NXPE2: variants seen among roughly 807,000 people sequenced by gnomAD.
NXPE2 encodes the protein NXPE family member 2.
A neutral mutation model predicts 34.4 loss-of-function variants in NXPE2; 34 were observed. That is an observed-to-expected ratio of 0.99 (90% CI 0.75 to 1.31). The LOEUF is 1.31. Ranked by LOEUF, NXPE2 falls within the 40% of genes most tolerant of loss-of-function variation. NXPE2 has a pLI of 0.00. For missense variants in NXPE2, 649 were observed against 672.5 expected (o/e 0.97, Z 0.39); for synonymous variants, 235 against 231.3 (o/e 1.02, Z -0.15).
Position 114,706,930 on chromosome 11 carries a change from G to A in NXPE2, c.1680G>A (p.Ter560=), listed in dbSNP as rs1174669406. Residue 560 remains the stop codon, a stop_retained_variant, in exon 6 of 6, where the codon TAG becomes TAA. Transcript: ENST00000389586. Reference sequence around the variant, plus strand: ...GCATGTTCTTAAACTACATTTGTTAGAGGAAAAATACAAAAATAGCACTAG... The same window carrying A: ...GCATGTTCTTAAACTACATTTGTTAAAGGAAAAATACAAAAATAGCACTAG... ...QIGMFLNYIC[*] The A allele has an allele frequency of 6.5e-7, 1 of 1,538,130 alleles. No homozygotes were observed. Among genetic ancestry groups the A allele is most frequent in the South Asian group, 1.2e-5 (1 of 82,910 alleles).
At chr11:114,719,570 T>C in the NXPE2 span, among the ~76,000 whole-genome samples, 7 of 152,324 alleles carry the variant, frequency 4.6e-5, no homozygotes, top group East Asian at 9.6e-4. Flanking sequence ...ATTAGATCCA[T>C]TGAATGCATA....
the NXPE2 span, among the ~76,000 whole-genome samples, chr11:114,714,199 AC>A: frequency 4.2e-4 from 64 of 152,154 alleles, no homozygotes; most frequent in African/African-American, 1.5e-3. Flanking sequence ...TTTGTGTTGT[AC>A]CTTTTTTCAC....
the NXPE2 span, among the ~76,000 whole-genome samples, chr11:114,627,778 T>C: frequency 1.3e-5 from 2 of 152,000 alleles, no homozygotes; most frequent in Non-Finnish European, 1.5e-5. Flanking sequence ...GAAACCCATC[T>C]CACAGGCAGA....
chr11:114,551,204 C>T, the NXPE2 span: 21 of 1,521,072 alleles, frequency 1.4e-5, no homozygotes, highest in East Asian at 9.8e-5. Flanking sequence ...GAGGACATGA[C>T]GAATGTCCTA....
chr11:114,732,408 C>T, the NXPE2 span, among the ~76,000 whole-genome samples: 3,778 of 152,268 alleles, frequency 0.025, 156 homozygotes, highest in African/African-American at 0.086. Context: ...TCAACTTCTC[C>T]CTCTGCTTAG....
chr11:114,684,761 A>G (rs1951014481), intron 2 of NXPE2, among the ~76,000 whole-genome samples: 1 of 152,158 alleles, frequency 6.6e-6, no homozygotes, highest in South Asian at 2.1e-4. Flanking sequence ...TTTAATTCAT[A>G]TGGAAAAAGG....
chr11:114,505,743 A>G, the NXPE2 span, among the ~76,000 whole-genome samples: 1 of 152,164 alleles, frequency 6.6e-6, no homozygotes, highest in Non-Finnish European at 1.5e-5. Context: ...TGGAAAGGAA[A>G]GACTGTTACC....
At chr11:114,644,562 T>A in the NXPE2 span, among the ~76,000 whole-genome samples, 14 of 152,130 alleles carry the variant, frequency 9.2e-5, no homozygotes, top group Admixed American at 7.2e-4. Flanking sequence ...ATGTACAACA[T>A]CTAAAATTAA....
chr11:114,703,653 C>CATAGATAGATAG (rs58702498), intron 3 of NXPE2, among the ~76,000 whole-genome samples: 7 of 102,910 alleles, frequency 6.8e-5, no homozygotes, highest in East Asian at 5.7e-4. Context: ...TTAAAATAAG[C>CATAGATAGATAG]ATAGATAGAT....
At position 114,703,844 on chromosome 11, in the gene NXPE2, C is replaced by A. The variant is rs950215437; in HGVS notation, c.867-147C>A. On this transcript the variant is annotated intron_variant, in intron 3 of 5. Transcript: ENST00000389586. ...AGGAACAGCTTTCCAGAATCCTGAC[C>A]CATTAACTTCCCCAGGATATCTTAA... is the stretch of plus-strand genomic sequence containing the variant. 7 of 626,016 alleles carry A rather than the reference C, an allele frequency of 1.1e-5. No individual in the cohort carries two copies. The African/African-American group carries it at 1.3e-4, about 11-fold the overall frequency. The allele number at this position is 626,016 out of a possible 1,614,324, so 38.8% of individuals were successfully genotyped here.
the NXPE2 span, among the ~76,000 whole-genome samples, chr11:114,471,731 C>T: frequency 2.0e-5 from 3 of 152,236 alleles, no homozygotes; most frequent in Admixed American, 6.5e-5. Flanking sequence ...CTCCTCCAAA[C>T]GTCTTGTCAG....
At chr11:114,642,476 A>G in the NXPE2 span, among the ~76,000 whole-genome samples, 1 of 150,868 alleles carries the variant, frequency 6.6e-6, no homozygotes, top group African/African-American at 2.4e-5. Flanking sequence ...CCCTGTGTCC[A>G]TGTGTTCTCA....
At chr11:114,709,225 C>G (rs192949362), downstream of NXPE2, among the ~76,000 whole-genome samples, 121 of 152,328 alleles carry the variant, frequency 7.9e-4, no homozygotes, top group African/African-American at 2.8e-3. Flanking sequence ...ACAGATAGCA[C>G]AACATGTGCT....
At chr11:114,696,198 G>A (rs1313530272) in intron 2 of NXPE2, among the ~76,000 whole-genome samples, 2 of 151,584 alleles carry the variant, frequency 1.3e-5, no homozygotes, top group African/African-American at 4.8e-5. Context: ...TTAGCCAGGT[G>A]CTGGTGGCTC....
chr11:114,800,145 CTTATGGGAACAATT>C, the NXPE2 span, among the ~76,000 whole-genome samples: 1 of 152,188 alleles, frequency 6.6e-6, no homozygotes, highest in Non-Finnish European at 1.5e-5. Context: ...ATTGGTCCTA[CTTATGGGAACAATT>C]CTTATTAGTT....
chr11:114,783,688 C>T, the NXPE2 span, among the ~76,000 whole-genome samples: 1 of 152,140 alleles, frequency 6.6e-6, no homozygotes, highest in Non-Finnish European at 1.5e-5. Flanking sequence ...AGAGGAGATG[C>T]GTAATGAATT....
the NXPE2 span, among the ~76,000 whole-genome samples, chr11:114,481,340 T>G: frequency 6.6e-6 from 1 of 152,220 alleles, no homozygotes; most frequent in African/African-American, 2.4e-5. Flanking sequence ...GGAACTCATC[T>G]CAGATTTTGG....
At chr11:114,747,009 CT>C in the NXPE2 span, among the ~76,000 whole-genome samples, 4 of 152,086 alleles carry the variant, frequency 2.6e-5, no homozygotes, top group South Asian at 4.1e-4. Context: ...TCCATGTCCC[CT>C]ATCTCTTTGG....
At chr11:114,754,748 G>T in the NXPE2 span, among the ~76,000 whole-genome samples, 1 of 152,166 alleles carries the variant, frequency 6.6e-6, no homozygotes, top group South Asian at 2.1e-4. Flanking sequence ...TTGACCAATG[G>T]GAATAGAAAC....
Sources: allele counts gnomAD v4.1 joint callset (sites outside exome capture counted in the v4.1 genomes callset), GRCh38; gene constraint gnomAD v4.1.1; transcripts MANE v1.5; gene names NCBI Gene and HGNC (gene_info 2026-07-23, HGNC 2026-07-21).